The following HIVEP3 variants were observed in gnomAD, a reference collection of about 807,000 sequenced individuals.
HIVEP3 encodes transcription factor HIVEP3.
Under a neutral mutation model 152.8 loss-of-function variants are expected in HIVEP3, and 49 were observed. The observed-to-expected ratio is 0.32, with a 90% CI of 0.26 to 0.41. The LOEUF (loss-of-function observed/expected upper bound fraction) is 0.41. Ranked by LOEUF, HIVEP3 falls within the 10% of genes least tolerant of loss-of-function variation. The pLI, the probability that HIVEP3 is intolerant of heterozygous loss-of-function variation, is 1.00. For synonymous variants in HIVEP3, 1,269 were observed against 1,289.0 expected, an observed-to-expected ratio of 0.98 and a Z score of 0.33; for missense variants, 2,790 against 3,103.3, an observed-to-expected ratio of 0.90 and a Z score of 2.40.
rs1419264081 is a variant in HIVEP3, at chr1:41,509,751, G to GC, written c.*699dup. The GC allele has an allele frequency of 7.3e-6, 1 of 137,398 alleles. No individual in the cohort carries two copies. Among genetic ancestry groups the GC allele is most frequent in the Non-Finnish European group, 1.5e-5 (1 of 65,884 alleles). 8.5% of individuals were successfully genotyped at this position (137,398 alleles called of 1,614,324 possible). A position where few individuals can be genotyped will look rare whatever the true frequency, so the allele number is the denominator to read the frequency against. On this transcript the variant is annotated 3_prime_UTR_variant, in exon 9 of 9. Coordinates refer to ENST00000372583, the MANE Select transcript of HIVEP3 (RefSeq NM_024503.5). The stretch of plus-strand genomic sequence containing the variant: ...GTATCCAGGAGCCCTTGGGGAGCCA[G>GC]CCCTCCTCCTTCTACCTGCACCTAT...
chr1:41,764,840 A>G (rs932066015), intron 1 of HIVEP3, among the ~76,000 whole-genome samples: 2 of 152,168 alleles, frequency 1.3e-5, no homozygotes, highest in Non-Finnish European at 2.9e-5. Context: ...AGGCCAGAGG[A>G]GGGTTCATGG....
At chr1:41,612,688 T>G (rs1644915419) in intron 3 of HIVEP3, among the ~76,000 whole-genome samples, 1 of 152,176 alleles carries the variant, frequency 6.6e-6, no homozygotes, top group South Asian at 2.1e-4. Flanking sequence ...GAGCTATCCT[T>G]TGCTTGGACA....
chr1:41,693,688 T>C (rs892022863), intron 2 of HIVEP3, among the ~76,000 whole-genome samples: 3 of 152,254 alleles, frequency 2.0e-5, no homozygotes, highest in African/African-American at 7.2e-5. Context: ...TTTCTGGATT[T>C]GATATTACAC....
Position 41,579,756 on chromosome 1 carries a change from C to A in HIVEP3, c.5042G>T (p.Arg1681Leu), listed in dbSNP as rs114498379. 5 of 1,584,158 alleles carry A rather than the reference C, an allele frequency of 3.2e-6. No individual in the cohort carries two copies. The highest frequency in any genetic ancestry group is 1.1e-5 in the South Asian group (1 of 88,138). ...ACTTACCTCTGTCATGCGGGGCTTG[C>A]GGGAGCTGGATGGCACAAGCCTTCC... ...EAGRLVPSSS[R>L]KPRMTEVHLP... The change falls in exon 4 of 9, where the codon CGC (arginine) becomes CTC (leucine). Residue 1681 changes from arginine (R) to leucine (L), a missense_variant. Transcript: ENST00000372583.
chr1:41,697,521 G>A (rs997232032), intron 2 of HIVEP3, among the ~76,000 whole-genome samples: 1 of 152,330 alleles, frequency 6.6e-6, no homozygotes, highest in South Asian at 2.1e-4. Flanking sequence ...AACAAATCAT[G>A]ATGTGGGGGC....
chr1:41,735,291 A>T (rs1646900102), intron 1 of HIVEP3, among the ~76,000 whole-genome samples: 1 of 152,270 alleles, frequency 6.6e-6, no homozygotes, highest in Non-Finnish European at 1.5e-5. Flanking sequence ...AACCATGTCT[A>T]GCACACAGCA....
chr1:41,762,170 C>A (rs1647730555), intron 1 of HIVEP3, among the ~76,000 whole-genome samples: 2 of 152,270 alleles, frequency 1.3e-5, no homozygotes, highest in Non-Finnish European at 1.5e-5. Flanking sequence ...CCGGACCCAG[C>A]CACATTGAGG....
At chr1:41,605,000 G>A (rs1644797874) in intron 3 of HIVEP3, among the ~76,000 whole-genome samples, 2 of 151,734 alleles carry the variant, frequency 1.3e-5, no homozygotes, top group Non-Finnish European at 2.9e-5. Context: ...AGCTACTTGG[G>A]AGGTGGAGGT....
intron 2 of HIVEP3, among the ~76,000 whole-genome samples, chr1:41,649,598 G>A (rs1558147668): frequency 6.6e-6 from 1 of 152,172 alleles, no homozygotes; most frequent in Non-Finnish European, 1.5e-5. Context: ...AATTGGGTTG[G>A]GGCTTCGAAG....
chr1:41,530,523 C>G (rs916086746), intron 5 of HIVEP3, among the ~76,000 whole-genome samples: 1 of 152,214 alleles, frequency 6.6e-6, no homozygotes, highest in Non-Finnish European at 1.5e-5. Context: ...AGAGTGAGGA[C>G]AGCTTGGTCT....
intron 1 of HIVEP3, among the ~76,000 whole-genome samples, chr1:41,818,210 T>C (rs905126672): frequency 1.3e-5 from 2 of 152,204 alleles, no homozygotes; most frequent in Non-Finnish European, 2.9e-5. Flanking sequence ...GGTAACAGCG[T>C]ATGAAGAGAC....
intron 2 of HIVEP3, among the ~76,000 whole-genome samples, chr1:41,642,325 T>C (rs750452027): frequency 6.6e-6 from 1 of 152,360 alleles, no homozygotes; most frequent in African/African-American, 2.4e-5. Context: ...AACACTCCCC[T>C]GCAAAGCCCC....
intron 1 of HIVEP3, among the ~76,000 whole-genome samples, chr1:41,973,838 C>G (rs1172783362): frequency 6.6e-6 from 1 of 152,160 alleles, no homozygotes; most frequent in African/African-American, 2.4e-5. Flanking sequence ...AAAGAGCATC[C>G]AAGAAAGGAT....
At chr1:41,969,581 G>A (rs1479856097) in intron 1 of HIVEP3, among the ~76,000 whole-genome samples, 2 of 152,076 alleles carry the variant, frequency 1.3e-5, no homozygotes, top group African/African-American at 4.8e-5. Context: ...ACGCTTACAT[G>A]TAAAACTCAA....
Position 41,665,541 on chromosome 1 carries a change from T to C in HIVEP3, c.-721+35375A>G, listed in dbSNP as rs542798346. On this transcript the variant is annotated intron_variant, in intron 2 of 8. Coordinates refer to ENST00000372583, the MANE Select transcript of HIVEP3 (RefSeq NM_024503.5). The stretch of plus-strand genomic sequence containing the variant: ...GACTGACAGGTAAACAGATATCCCA[T>C]TGCTAAATGTTACACTGCTGTTTGA... Among the ~76,000 whole-genome samples, 20 of 151,394 alleles carry C rather than the reference T, an allele frequency of 1.3e-4. No homozygotes were observed. In the East Asian group the frequency reaches 2.5e-3, roughly 19 times the overall value.
chr1:41,930,484 C>T (rs61478790), intron 1 of HIVEP3, among the ~76,000 whole-genome samples: 15,577 of 152,088 alleles, frequency 0.1, 1,169 homozygotes, highest in East Asian at 0.42. Flanking sequence ...AATAGTGTTC[C>T]ATTTTATGGA....
intron 1 of HIVEP3, among the ~76,000 whole-genome samples, chr1:41,951,132 G>A (rs1174805558): frequency 6.6e-6 from 1 of 152,158 alleles, no homozygotes; most frequent in African/African-American, 2.4e-5. Context: ...ACACATTAAA[G>A]TCTTTGACCA....
At chr1:41,638,201 T>G (rs994185618) in intron 2 of HIVEP3, among the ~76,000 whole-genome samples, 1 of 132,374 alleles carries the variant, frequency 7.6e-6, no homozygotes, top group Non-Finnish European at 1.6e-5. Flanking sequence ...CTTAAGTTTA[T>G]ACAAAGAAAG....
At chr1:42,002,265 C>CAGA (rs1291630760) in intron 1 of HIVEP3, among the ~76,000 whole-genome samples, 1 of 152,128 alleles carries the variant, frequency 6.6e-6, no homozygotes, top group African/African-American at 2.4e-5. Context: ...CAGATACCTT[C>CAGA]AGAACAGAGG....
Sources: gnomAD v4.1 joint callset for allele counts (sites outside exome capture counted in the v4.1 genomes callset) on GRCh38, gnomAD v4.1.1 for gene constraint, MANE v1.5 for transcripts, NCBI Gene and HGNC (gene_info 2026-07-23, HGNC 2026-07-21) for gene names.